The following NBEA variants were observed in gnomAD, a reference collection of about 807,000 sequenced individuals.
NBEA encodes lysosomal-trafficking regulator 2.
In NBEA, 44 loss-of-function variants were observed where a neutral mutation model predicts 343.4. That is an observed-to-expected ratio of 0.13 (90% CI 0.10 to 0.16). The LOEUF is 0.16. Among genes scored for constraint, NBEA ranks in the 10% least tolerant of loss-of-function variants. The pLI is 1.00. For missense variants in NBEA, 2,555 were observed against 3,631.3 expected (o/e 0.70, Z 7.62); for synonymous variants, 1,175 against 1,238.7 (o/e 0.95, Z 1.08).
At chr13:35,615,355 T>A (rs543619687) in intron 48 of NBEA, among the ~76,000 whole-genome samples, 126 of 151,726 alleles carry the variant, frequency 8.3e-4, no homozygotes, top group African/African-American at 2.6e-3. Flanking sequence ...AAAAATATAT[T>A]TTTTTTGAGA....
intron 40 of NBEA, among the ~76,000 whole-genome samples, chr13:35,471,759 T>C (rs1248814268): frequency 2.0e-5 from 3 of 152,186 alleles, no homozygotes; most frequent in African/African-American, 4.8e-5. Flanking sequence ...TTCATCACTT[T>C]TGATATATTC....
In NBEA at chr13:35,159,618, T is replaced by C. The variant is rs768962335; in HGVS notation, c.3447T>C (p.Asp1149=). The part of the protein sequence containing the change: ...LPNSSTSFLF[D]KIPKQEEKLL... The stretch of plus-strand genomic sequence containing the variant: ...ATAGTAGTACATCATTTCTCTTTGA[T>C]AAAATACCCAAACAGGAGGAAAAAC... Residue 1149 remains aspartate (D), a synonymous_variant, in exon 22 of 59, where the codon GAT becomes GAC. Transcript: ENST00000379939. The C allele has an allele frequency of 2.5e-6, 4 of 1,611,286 alleles. No individual in the cohort carries two copies. The East Asian group carries it at 6.7e-5, about 27-fold the overall frequency.
chr13:35,291,059 A>G (rs981570836), intron 35 of NBEA, among the ~76,000 whole-genome samples: 3 of 151,892 alleles, frequency 2.0e-5, no homozygotes, highest in Non-Finnish European at 2.9e-5. Context: ...AAATGTAAAC[A>G]TATTTTCTGA....
At chr13:35,284,653 T>A (rs778855479) in intron 34 of NBEA, among the ~76,000 whole-genome samples, 1 of 152,200 alleles carries the variant, frequency 6.6e-6, no homozygotes, top group East Asian at 1.9e-4. Context: ...GGATGTTTCA[T>A]GTCTATTTTT....
Position 35,301,300 on chromosome 13 carries a change from G to A in NBEA, c.5839-8228G>A, listed in dbSNP as rs1017896260. On this transcript the variant is annotated intron_variant, in intron 35 of 58. Transcript: ENST00000379939. ...ACCCGTCATCTAGGTTTTAAGCTCCGCATGCATTAGGTATTTGTCCTAATG... is the reference window on the plus strand; with the variant it reads ...ACCCGTCATCTAGGTTTTAAGCTCCACATGCATTAGGTATTTGTCCTAATG... 5.3e-5 allele frequency among the ~76,000 whole-genome samples: 8 copies of A among 151,704 alleles called. No individual in the cohort carries two copies. The East Asian group carries it at 1.2e-3, about 22-fold the overall frequency.
intron 41 of NBEA, among the ~76,000 whole-genome samples, chr13:35,524,166 C>G (rs1417599405): frequency 2.0e-5 from 3 of 152,180 alleles, no homozygotes; most frequent in Non-Finnish European, 2.9e-5. Context: ...TCACATTGCT[C>G]CCTCTAGATT....
intron 1 of NBEA, among the ~76,000 whole-genome samples, chr13:34,986,516 T>G (rs997522064): frequency 1.3e-5 from 2 of 150,878 alleles, no homozygotes; most frequent in South Asian, 4.2e-4. Context: ...ATTCTGTTGA[T>G]TTGGGGTGGA....
At chr13:34,994,709 G>A (rs979993734) in intron 1 of NBEA, among the ~76,000 whole-genome samples, 1 of 152,122 alleles carries the variant, frequency 6.6e-6, no homozygotes, top group Non-Finnish European at 1.5e-5. Context: ...TTGTTGATAA[G>A]TTGGCATAGG....
intron 16 of NBEA, among the ~76,000 whole-genome samples, chr13:35,121,397 A>G (rs2066790519): frequency 6.6e-6 from 1 of 151,662 alleles, no homozygotes; most frequent in Non-Finnish European, 1.5e-5. Context: ...ATGAGCCACC[A>G]TGCCTGGCCC....
At chr13:35,131,291 A>G (rs1421490159) in intron 17 of NBEA, among the ~76,000 whole-genome samples, 7 of 152,194 alleles carry the variant, frequency 4.6e-5, no homozygotes, top group African/African-American at 1.7e-4. Context: ...TTATCCAATT[A>G]TAAGGGAAAT....
chr13:35,047,375 C>CTACA (rs1339913329), intron 4 of NBEA, among the ~76,000 whole-genome samples: 1 of 151,750 alleles, frequency 6.6e-6, no homozygotes, highest in African/African-American at 2.4e-5. Context: ...ATACAGCTTG[C>CTACA]TACAATAAGA....
intron 41 of NBEA, among the ~76,000 whole-genome samples, chr13:35,478,873 C>T (rs1298364889): frequency 1.3e-5 from 2 of 152,232 alleles, no homozygotes; most frequent in South Asian, 2.1e-4. Flanking sequence ...GACGGGGAGG[C>T]CCCAGGGCTG....
chr13:34,943,337 G>T (rs929582670), intron 1 of NBEA, among the ~76,000 whole-genome samples: 1 of 152,086 alleles, frequency 6.6e-6, no homozygotes, highest in Non-Finnish European at 1.5e-5. Context: ...CCACCTGAGC[G>T]CAGTGCCCAA....
chr13:34,954,791 T>C (rs2059443413), intron 1 of NBEA, among the ~76,000 whole-genome samples: 1 of 152,212 alleles, frequency 6.6e-6, no homozygotes, highest in African/African-American at 2.4e-5. Context: ...TAAATAGTTG[T>C]TCTGTTGCAG....
At chr13:34,975,904 T>A (rs540357586) in intron 1 of NBEA, among the ~76,000 whole-genome samples, 11 of 152,176 alleles carry the variant, frequency 7.2e-5, no homozygotes, top group African/African-American at 2.6e-4. Flanking sequence ...AATGGCCATA[T>A]CAAAAAATCA....
chr13:35,482,888 C>G (rs2076173664), intron 41 of NBEA, among the ~76,000 whole-genome samples: 1 of 151,664 alleles, frequency 6.6e-6, no homozygotes, highest in Non-Finnish European at 1.5e-5. Flanking sequence ...TTTCTTCATG[C>G]CCTGATTTCA....
At chr13:35,501,151 T>TACTA (rs919170260) in intron 41 of NBEA, among the ~76,000 whole-genome samples, 10 of 152,128 alleles carry the variant, frequency 6.6e-5, no homozygotes, top group African/African-American at 2.2e-4. Flanking sequence ...GGTACTTTAG[T>TACTA]ATCATGAGAG....
At chr13:35,045,423 T>A (rs1566203992) in intron 4 of NBEA, 22 bp downstream of exon 4, 5 of 1,526,550 alleles carry the variant, frequency 3.3e-6, no homozygotes, top group Non-Finnish European at 4.5e-6. Context: ...ATACATGTGC[T>A]GATTTTTATT....
chr13:35,651,628 C>A lies in NBEA; in HGVS notation c.7964-177C>A, dbSNP rs78017720. ...TACATCGTAAGTGGAAACCTGAAGT[C>A]CCTGTTGTGATTATTTTGTAAGGCT... On this transcript the variant is annotated intron_variant, in intron 52 of 58. Transcript: ENST00000379939. Among the ~76,000 whole-genome samples, 842 of 152,194 alleles carry A rather than the reference C, an allele frequency of 5.5e-3. 7 individuals are homozygous for A. Among genetic ancestry groups the A allele is most frequent in the African/African-American group, 0.019 (784 of 41,518 alleles).
Sources: gnomAD v4.1 joint callset for allele counts (sites outside exome capture counted in the v4.1 genomes callset) on GRCh38, gnomAD v4.1.1 for gene constraint, MANE v1.5 for transcripts, NCBI Gene and HGNC (gene_info 2026-07-23, HGNC 2026-07-21) for gene names.